The following TTC3 variants were observed in gnomAD, a reference collection of about 807,000 sequenced individuals.
TTC3 encodes the protein E3 ubiquitin-protein ligase TTC3.
TTC3 carries 180 observed loss-of-function variants against 249.6 expected under a neutral mutation model. The observed-to-expected ratio is 0.72, with a 90% CI of 0.64 to 0.82. The LOEUF is 0.82. Among genes scored for constraint, TTC3 ranks in the 40% least tolerant of loss-of-function variants. The pLI, the probability that TTC3 is intolerant of heterozygous loss-of-function variation, is 0.00. For synonymous variants in TTC3, 717 were observed against 805.0 expected (o/e 0.89, Z 1.85); for missense variants, 2,061 against 2,398.4 (o/e 0.86, Z 2.94).
At chr21:37,141,818 A>G (rs1014970128) in intron 20 of TTC3, among the ~76,000 whole-genome samples, 3 of 152,132 alleles carry the variant, frequency 2.0e-5, no homozygotes, top group African/African-American at 7.2e-5. Context: ...ATTTTAGACA[A>G]TATCCCTGAT....
At chr21:37,162,110 T>C (rs1372816639) in intron 31 of TTC3, 47 bp downstream of exon 31, 1 of 1,185,334 alleles carries the variant, frequency 8.4e-7, no homozygotes, top group South Asian at 1.5e-5. Context: ...TCAAATGTCT[T>C]TACTTAATAA....
At chr21:37,182,634 AG>A in intron 35 of TTC3, 139 bp from the exon 36 acceptor site, 1 of 843,328 alleles carries the variant, frequency 1.2e-6, no homozygotes, top group South Asian at 2.1e-5. Context: ...AGTCTGCCAC[AG>A]GGCGCCAGCT....
intron 35 of TTC3, among the ~76,000 whole-genome samples, chr21:37,179,436 A>G (rs918677336): frequency 3.9e-5 from 6 of 152,160 alleles, no homozygotes; most frequent in Non-Finnish European, 7.4e-5. Flanking sequence ...TCCTAATGGT[A>G]TCATTTGCAG....
At chr21:37,166,027 C>G in exon 33 of TTC3, 1 of 1,614,182 alleles carries the variant, frequency 6.2e-7, no homozygotes, top group East Asian at 2.2e-5. Context: ...ATGGGCAACC[C>G]AAAGGGGTCT....
At chr21:37,150,144 A>G (rs1179170323) in exon 24 of TTC3, 2 of 1,613,264 alleles carry the variant, frequency 1.2e-6, no homozygotes, top group South Asian at 2.2e-5. Flanking sequence ...TATCATCTTC[A>G]GCAGTGGTGG....
chr21:37,155,068 C>A (rs952161386), intron 27 of TTC3, among the ~76,000 whole-genome samples: 2 of 152,128 alleles, frequency 1.3e-5, no homozygotes, highest in African/African-American at 4.8e-5. Context: ...TTTAAAGTAG[C>A]AATTTTTATT....
At position 37,167,437 on chromosome 21, in the gene TTC3, A is replaced by G. The variant is rs1195375080; in HGVS notation, c.4402-118A>G. 6.0e-6 allele frequency: 3 copies of G among 500,906 alleles called. No individual in the cohort carries two copies. In the African/African-American group the frequency reaches 2.7e-4, roughly 45 times the overall value. The allele number at this position is 500,906 out of a possible 1,614,324, so 31.0% of individuals were successfully genotyped here. On this transcript the variant is annotated intron_variant, in intron 33 of 45. Coordinates refer to ENST00000355666, the Ensembl canonical transcript of TTC3. ...TTACGGAAAGCATGGAACATGATCT[A>G]AATGGGAAAAAAAACTTGAAAAAAT... is the stretch of plus-strand genomic sequence containing the variant.
At chr21:37,106,211 C>G (rs185442979) in intron 10 of TTC3, among the ~76,000 whole-genome samples, 56 of 152,244 alleles carry the variant, frequency 3.7e-4, no homozygotes, top group African/African-American at 1.3e-3. Context: ...TGGATATTCT[C>G]TTTTGTGAAG....
At chr21:37,121,341 AG>A (rs1399115472) in intron 11 of TTC3, 1 of 153,724 alleles carries the variant, frequency 6.5e-6, no homozygotes, top group African/African-American at 2.4e-5. Context: ...CACTCTTCGG[AG>A]GTATCGGAAA....
At chr21:37,165,948 C>T in exon 33 of TTC3, 4 of 1,614,144 alleles carry the variant, frequency 2.5e-6, no homozygotes, top group Non-Finnish European at 3.4e-6. Context: ...GCAAATTCTC[C>T]CAAGCCAGCT....
chr21:37,175,330 G>A (rs1043660032), intron 35 of TTC3, among the ~76,000 whole-genome samples: 6 of 146,472 alleles, frequency 4.1e-5, no homozygotes, highest in Admixed American at 2.7e-4. Flanking sequence ...GCTTACACCT[G>A]TAATCCTTGT....
In TTC3 at chr21:37,195,738, A is replaced by G. The variant is rs758984454; in HGVS notation, c.5281A>G (p.Ser1761Gly). 4 of 1,614,002 alleles carry G rather than the reference A, an allele frequency of 2.5e-6. No individual in the cohort carries two copies. The highest frequency in any genetic ancestry group is 2.5e-6 in the Non-Finnish European group (3 of 1,179,998). The change falls in exon 42 of 46, where the codon AGC (serine) becomes GGC (glycine). Residue 1761 changes from serine (S) to glycine (G), a missense_variant. By Grantham distance (56) the Ser-to-Gly change is moderately conservative (BLOSUM62 0). This residue lies in a region of TTC3 where 1,040 missense variants were observed against 1,186.1 expected (regional missense o/e 0.88). Transcript: ENST00000355666. The stretch of plus-strand genomic sequence containing the variant: ...TGGCCAAGGGCTTGTGACTTCTGCA[A>G]GCGACGTGACTGGAAACCACGCAGC...
intron 1 of TTC3, among the ~76,000 whole-genome samples, chr21:37,074,530 T>C (rs547913502): frequency 4.7e-4 from 72 of 152,308 alleles, no homozygotes; most frequent in South Asian, 1.4e-3. Context: ...GAGTATTTTA[T>C]GGCATTCACC....
intron 15 of TTC3, among the ~76,000 whole-genome samples, chr21:37,127,934 T>C (rs774526282): frequency 5.9e-5 from 9 of 152,380 alleles, no homozygotes; most frequent in Admixed American, 2.0e-4. Context: ...GATAAAACTT[T>C]TTTTTGGAAG....
rs142292405 is a variant in TTC3 at position 37,170,406 on chromosome 21, A to G, written c.4468-2189A>G. Among the ~76,000 whole-genome samples the G allele has an allele frequency of 1.2e-4, 18 of 152,338 alleles. 1 individual carries two copies. In the East Asian group the frequency reaches 3.3e-3, roughly 28 times the overall value. On this transcript the variant is annotated intron_variant, in intron 34 of 45. Coordinates refer to ENST00000355666, the Ensembl canonical transcript of TTC3. ...CACCCCACTTGAAATAGGAAAAGCAATCATTCACATTTTGAAAGATAGTGA... is the reference window on the plus strand; with the variant it reads ...CACCCCACTTGAAATAGGAAAAGCAGTCATTCACATTTTGAAAGATAGTGA...
intron 10 of TTC3, among the ~76,000 whole-genome samples, chr21:37,106,942 T>C (rs2075134762): frequency 6.6e-6 from 1 of 152,072 alleles, no homozygotes; most frequent in Non-Finnish European, 1.5e-5. Context: ...CCCAGCACCA[T>C]TTATTAAAAG....
chr21:37,096,523 A>G lies in TTC3; in HGVS notation c.783-58A>G, dbSNP rs147896328. 5 of 1,360,462 alleles carry G rather than the reference A, an allele frequency of 3.7e-6. No homozygotes were observed. In the African/African-American group the frequency reaches 5.8e-5, roughly 16 times the overall value. The allele number at this position is 1,360,462 out of a possible 1,614,324, so 84.3% of individuals were successfully genotyped here. A position where few individuals can be genotyped will look rare whatever the true frequency, so the allele number is the denominator to read the frequency against. ...TCTCATGCCTTATGTTTTCTACGTG[A>G]TTTTTATTTGTTTCATGTGTAATGT... On this transcript the variant is annotated intron_variant, in intron 9 of 45. Transcript: ENST00000355666.
intron 28 of TTC3, among the ~76,000 whole-genome samples, chr21:37,157,815 G>T (rs1297567688): frequency 6.6e-6 from 1 of 152,042 alleles, no homozygotes; most frequent in African/African-American, 2.4e-5. Flanking sequence ...GCAGTGACAT[G>T]TGTGGTCCTG....
At chr21:37,102,385 G>A (rs1055533490) in intron 10 of TTC3, among the ~76,000 whole-genome samples, 2 of 152,114 alleles carry the variant, frequency 1.3e-5, no homozygotes, top group Non-Finnish European at 2.9e-5. Flanking sequence ...ACTTTTTATG[G>A]TATGGTTTAA....
Sources: gnomAD v4.1 joint callset for allele counts (sites outside exome capture counted in the v4.1 genomes callset) on GRCh38, gnomAD v4.1.1 for gene constraint, gnomAD v4.1.1 regional missense constraint, MANE v1.5 for transcripts, NCBI Gene and HGNC (gene_info 2026-07-23, HGNC 2026-07-21) for gene names.